Variants in HSPA4 observed in about 807,000 individuals in gnomAD.
HSPA4 encodes heat shock protein family A (Hsp70) member 4, also known as heat shock 70 kDa protein 4.
Under a neutral mutation model 106.2 loss-of-function variants are expected in HSPA4, and 25 were observed. The ratio of observed to expected loss-of-function variants is 0.24; its 90% confidence interval spans 0.17 to 0.33. The LOEUF (loss-of-function observed/expected upper bound fraction) is 0.33, where lower values mean the gene tolerates loss of function less well. Ranked by LOEUF, HSPA4 falls within the 10% of genes least tolerant of loss-of-function variation. The pLI is 1.00. For synonymous variants in HSPA4, 332 were observed against 333.6 expected, an observed-to-expected ratio of 1.00 and a Z score of 0.05; for missense variants, 841 against 996.0, an observed-to-expected ratio of 0.84 and a Z score of 2.10.
At chr5:133,083,704 A>G (rs1291420655) in intron 7 of HSPA4, among the ~76,000 whole-genome samples, 1 of 151,794 alleles carries the variant, frequency 6.6e-6, no homozygotes, top group Non-Finnish European at 1.5e-5. Flanking sequence ...CACCCAGCTA[A>G]TTTTGTATTT....
chr5:133,097,332 C>T, intron 15 of HSPA4, 46 bp downstream of exon 15: 1 of 1,568,978 alleles, frequency 6.4e-7, no homozygotes, highest in Non-Finnish European at 8.8e-7. Context: ...CTTCTGTGAA[C>T]ATCTTTAAGT....
At chr5:133,057,675 A>T (rs932666205) in intron 1 of HSPA4, among the ~76,000 whole-genome samples, 3 of 152,226 alleles carry the variant, frequency 2.0e-5, no homozygotes, top group African/African-American at 7.2e-5. Context: ...CTGAAAAAAG[A>T]AGTAATTTCT....
intron 17 of HSPA4, among the ~76,000 whole-genome samples, chr5:133,102,516 G>T (rs1021425621): frequency 1.3e-5 from 2 of 152,058 alleles, no homozygotes; most frequent in African/African-American, 4.8e-5. Context: ...GGTAGGGGGT[G>T]GTATCAACAT....
At chr5:133,089,720 AAAG>A in intron 11 of HSPA4, 25 bp downstream of exon 11, 1 of 1,490,476 alleles carries the variant, frequency 6.7e-7, no homozygotes, top group Non-Finnish European at 8.9e-7. Context: ...GGAAATTAAA[AAAG>A]AAAAAAAAAA....
At chr5:133,086,982 A>G (rs1181496795) in intron 8 of HSPA4, 124 bp downstream of exon 8, 4 of 669,100 alleles carry the variant, frequency 6.0e-6, no homozygotes, top group African/African-American at 3.7e-5. Context: ...AGTGGTATAT[A>G]TTAAACTTTT....
chr5:133,070,832 G>A (rs1765371823), intron 4 of HSPA4, among the ~76,000 whole-genome samples: 1 of 152,156 alleles, frequency 6.6e-6, no homozygotes, highest in African/African-American at 2.4e-5. Flanking sequence ...AACCCGGGAG[G>A]CTGAGGTTGC....
Position 133,067,449 on chromosome 5 carries a change from A to G in HSPA4, c.198A>G (p.Gly66=). ...VISNAKNTVQ[G]FKRFHGRAFS... The stretch of plus-strand genomic sequence containing the variant: ...CTAATGCAAAGAACACAGTCCAAGG[A>G]TTTAAAAGATTCCATGGCCGAGCAT... The change falls in exon 3 of 19, where the codon GGA becomes GGG. Residue 66 remains glycine (G), a synonymous_variant. Transcript: ENST00000304858. 1 of 1,613,722 alleles carries G rather than the reference A, an allele frequency of 6.2e-7. No homozygotes were observed. Among genetic ancestry groups the G allele is most frequent in the Non-Finnish European group, 8.5e-7 (1 of 1,179,638 alleles).
chr5:133,095,623 AACTT>A (rs1461891061), intron 13 of HSPA4, among the ~76,000 whole-genome samples: 1 of 152,204 alleles, frequency 6.6e-6, no homozygotes, highest in Non-Finnish European at 1.5e-5. Flanking sequence ...CCTCCTCACT[AACTT>A]CATTTGAATG....
At position 133,052,209 on chromosome 5, in the gene HSPA4, G is replaced by T; in HGVS notation, c.-42G>T. ...CCGCCGGGGGTCCGTGTCCTGTCTC[G>T]GTGGCCGGACCCGGGCCCGAGCCCG... On this transcript the variant is annotated 5_prime_UTR_variant, in exon 1 of 19. Transcript: ENST00000304858. The T allele has an allele frequency of 7.1e-7, 1 of 1,399,842 alleles. No individual in the cohort carries two copies. The highest frequency in any genetic ancestry group is 2.5e-5 in the East Asian group (1 of 40,634). The allele number at this position is 1,399,842 out of a possible 1,614,324, so 86.7% of individuals were successfully genotyped here. A position where few individuals can be genotyped will look rare whatever the true frequency, so the allele number is the denominator to read the frequency against.
chr5:133,076,700 A>G lies in HSPA4; in HGVS notation c.710A>G (p.Asp237Gly). ...FDTTLGGRKF[D>G]EVLVNHFCEE... ...ACGACATTGGGAGGTAGAAAATTTG[A>G]TGAAGTGTTAGTAAATCACTTCTGT... The change falls in exon 7 of 19, where the codon GAT (aspartate) becomes GGT (glycine). Residue 237 changes from aspartate to glycine, a missense_variant. Asp to Gly is a moderately conservative substitution (Grantham distance 94, BLOSUM62 -1). Coordinates refer to ENST00000304858, the MANE Select transcript of HSPA4 (RefSeq NM_002154.4). The G allele has an allele frequency of 3.1e-6, 5 of 1,613,002 alleles. No homozygotes were observed. Among genetic ancestry groups the G allele is most frequent in the Non-Finnish European group, 4.2e-6 (5 of 1,179,036 alleles).
chr5:133,059,674 A>T (rs1765213929), intron 1 of HSPA4, among the ~76,000 whole-genome samples: 1 of 152,130 alleles, frequency 6.6e-6, no homozygotes, highest in African/African-American at 2.4e-5. Context: ...TGATGGTCCT[A>T]ATTTTGAATC....
rs370525160 is a variant in HSPA4, at chr5:133,061,267, C to T, written c.108-3713C>T. Among the ~76,000 whole-genome samples the T allele has an allele frequency of 6.5e-4, 99 of 151,860 alleles. No individual in the cohort carries two copies. The Middle Eastern group carries it at 0.01, about 16-fold the overall frequency. The stretch of plus-strand genomic sequence containing the variant: ...CCTCCCAAGTAGCTGGGACTACAGG[C>T]GCCCGCCACCATGCCTGGCTAATTT... On this transcript the variant is annotated intron_variant, in intron 1 of 18. Coordinates refer to ENST00000304858, the MANE Select transcript of HSPA4 (RefSeq NM_002154.4).
At chr5:133,054,681 A>G (rs1581461581) in intron 1 of HSPA4, among the ~76,000 whole-genome samples, 1 of 152,264 alleles carries the variant, frequency 6.6e-6, no homozygotes, top group Admixed American at 6.5e-5. Context: ...CTTTTTAACA[A>G]TGGGTAGTCT....
At chr5:133,092,157 T>C (rs1765654940) in intron 12 of HSPA4, among the ~76,000 whole-genome samples, 1 of 152,210 alleles carries the variant, frequency 6.6e-6, no homozygotes, top group Non-Finnish European at 1.5e-5. Flanking sequence ...CATTCTAATA[T>C]GTTGCAGGCA....
chr5:133,074,881 T>C (rs1227894182), intron 6 of HSPA4, among the ~76,000 whole-genome samples: 1 of 152,194 alleles, frequency 6.6e-6, no homozygotes, highest in East Asian at 1.9e-4. Context: ...GTCTAGATGA[T>C]TTTATCTAGA....
intron 11 of HSPA4, 32 bp from the exon 12 acceptor site, chr5:133,091,159 GTT>G (rs147133967): frequency 0.075 from 116,186 of 1,549,616 alleles, 5,001 homozygotes; most frequent in Non-Finnish European, 0.09. Flanking sequence ...ATCCTCTTAG[GTT>G]ATGTGTTCTT....
rs1765090221 is a variant in HSPA4, at chr5:133,052,285, G to A, written c.35G>A (p.Ser12Asn). Residue 12 changes from serine to asparagine, a missense_variant, in exon 1 of 19, where the codon AGC becomes AAC. Ser to Asn is a conservative substitution (Grantham distance 46). Transcript: ENST00000304858. ...GTGGGCATAGACCTGGGCTTCCAGAGCTGCTACGTCGCTGTGGCCCGCGCC... is the reference window on the plus strand; with the variant it reads ...GTGGGCATAGACCTGGGCTTCCAGAACTGCTACGTCGCTGTGGCCCGCGCC... ...SVVGIDLGFQ[S>N]CYVAVARAGG... 2 of 1,597,860 alleles carry A rather than the reference G, an allele frequency of 1.3e-6. No individual in the cohort carries two copies. The highest frequency in any genetic ancestry group is 1.7e-6 in the Non-Finnish European group (2 of 1,174,902).
At chr5:133,082,251 T>C (rs1045470454) in intron 7 of HSPA4, among the ~76,000 whole-genome samples, 1 of 152,194 alleles carries the variant, frequency 6.6e-6, no homozygotes, top group African/African-American at 2.4e-5. Flanking sequence ...GATTTAGTGA[T>C]TGCCTAGGGC....
chr5:133,091,038 T>C (rs768319563), intron 11 of HSPA4, 155 bp from the exon 12 acceptor site: 7 of 735,760 alleles, frequency 9.5e-6, no homozygotes, highest in Non-Finnish European at 1.7e-5. Context: ...TCTGATGATT[T>C]AATAAGATTC....
Sources: gnomAD v4.1 joint callset for allele counts (sites outside exome capture counted in the v4.1 genomes callset) on GRCh38, gnomAD v4.1.1 for gene constraint, MANE v1.5 for transcripts, NCBI Gene and HGNC (gene_info 2026-07-23, HGNC 2026-07-21) for gene names.